The following TMBIM4 variants were observed in gnomAD, a reference collection of about 807,000 sequenced individuals.
The protein encoded by TMBIM4 is transmembrane BAX inhibitor motif containing 4.
Under a neutral mutation model 27.7 loss-of-function variants are expected in TMBIM4, and 28 were observed. That is an observed-to-expected ratio of 1.01 (90% confidence interval 0.75 to 1.38). The LOEUF is 1.38. TMBIM4 is among the 40% of genes most tolerant of loss of function. The probability of loss-of-function intolerance (pLI) is 0.00; values close to 1 mark genes in which losing one functional copy is unlikely to be tolerated. For missense variants in TMBIM4, 265 were observed against 277.5 expected, an observed-to-expected ratio of 0.95 and a Z score of 0.32; for synonymous variants, 115 against 113.1, an observed-to-expected ratio of 1.02 and a Z score of -0.11.
chr12:66,150,621 C>T lies in TMBIM4; in HGVS notation c.312+1650G>A, dbSNP rs1565784580. On this transcript the variant is annotated intron_variant, in intron 3 of 6. Transcript: ENST00000358230. ...AGAGACAAGGTCTCACTATGTTGCC[C>T]GGGCTGGTCTCGAACTCCTGAACTC... Among the ~76,000 whole-genome samples, 6 of 152,120 alleles carry T rather than the reference C, an allele frequency of 3.9e-5. No homozygotes were observed. The South Asian group carries it at 1.2e-3, about 32-fold the overall frequency.
intron 3 of TMBIM4, among the ~76,000 whole-genome samples, chr12:66,150,582 T>C (rs533173359): frequency 7.5e-4 from 114 of 151,842 alleles, no homozygotes; most frequent in Admixed American, 3.1e-3. Context: ...CTGGCTAATT[T>C]TTGTATTTTT....
chr12:66,161,444 T>C (rs545565471), intron 1 of TMBIM4, among the ~76,000 whole-genome samples: 227 of 152,304 alleles, frequency 1.5e-3, no homozygotes, highest in African/African-American at 4.7e-3. Flanking sequence ...TTTCACCGTG[T>C]TGCATAGGCT....
chr12:66,146,322 G>A (rs953476302), intron 4 of TMBIM4, among the ~76,000 whole-genome samples: 2 of 152,158 alleles, frequency 1.3e-5, no homozygotes, highest in African/African-American at 4.8e-5. Context: ...GTCCATTATG[G>A]TTTAAATATC....
intron 3 of TMBIM4, among the ~76,000 whole-genome samples, chr12:66,148,760 A>G (rs1411829959): frequency 1.3e-5 from 2 of 152,188 alleles, no homozygotes; most frequent in Non-Finnish European, 1.5e-5. Context: ...AGCCATTGTT[A>G]TTTTGTCACT....
At chr12:66,169,732 T>C in intron 1 of TMBIM4, 123 bp downstream of exon 1, 1 of 699,354 alleles carries the variant, frequency 1.4e-6, no homozygotes, top group Non-Finnish European at 2.2e-6. Context: ...GGCCGGGAGC[T>C]CAGTGAGCAC....
intron 1 of TMBIM4, among the ~76,000 whole-genome samples, chr12:66,166,768 T>C (rs1415753705): frequency 4.6e-5 from 7 of 152,234 alleles, no homozygotes; most frequent in Non-Finnish European, 4.4e-5. Flanking sequence ...TCTCTTACTA[T>C]ACAACACGGC....
chr12:66,161,645 C>T (rs2052043008), intron 1 of TMBIM4, among the ~76,000 whole-genome samples: 1 of 152,092 alleles, frequency 6.6e-6, no homozygotes, highest in Non-Finnish European at 1.5e-5. Flanking sequence ...AGTTACCAAC[C>T]TAGTGATAAG....
At chr12:66,139,887 A>G (rs1273838575) in intron 5 of TMBIM4, among the ~76,000 whole-genome samples, 2 of 152,168 alleles carry the variant, frequency 1.3e-5, no homozygotes, top group Admixed American at 1.3e-4. Flanking sequence ...TAAGACATGC[A>G]CTGAGTAGTA....
At chr12:66,142,070 T>A (rs970257443) in intron 5 of TMBIM4, among the ~76,000 whole-genome samples, 3 of 151,946 alleles carry the variant, frequency 2.0e-5, no homozygotes, top group African/African-American at 7.2e-5. Flanking sequence ...CATTAAAAAA[T>A]AAATAAATAA....
chr12:66,167,485 G>A (rs1015021432), intron 1 of TMBIM4, among the ~76,000 whole-genome samples: 3 of 152,160 alleles, frequency 2.0e-5, no homozygotes, highest in African/African-American at 4.8e-5. Flanking sequence ...TGCCCCACAC[G>A]CATACTTTTA....
At chr12:66,139,892 G>A (rs1055878899) in intron 5 of TMBIM4, among the ~76,000 whole-genome samples, 2 of 152,140 alleles carry the variant, frequency 1.3e-5, no homozygotes, top group African/African-American at 4.8e-5. Flanking sequence ...CATGCACTGA[G>A]TAGTATGCTG....
intron 3 of TMBIM4, among the ~76,000 whole-genome samples, chr12:66,151,103 T>C (rs1013800878): frequency 5.3e-5 from 8 of 152,238 alleles, no homozygotes; most frequent in African/African-American, 1.7e-4. Context: ...TAATCTTTCC[T>C]ATTACTGAAA....
rs1247178932 is a variant in TMBIM4, at chr12:66,137,297, A to G, written c.*663T>C. 2.0e-5 allele frequency: 3 copies of G among 152,256 alleles called. No homozygotes were observed. Among genetic ancestry groups the G allele is most frequent in the African/African-American group, 7.2e-5 (3 of 41,462 alleles). 9.4% of individuals were successfully genotyped at this position (152,256 alleles called of 1,614,324 possible). On this transcript the variant is annotated 3_prime_UTR_variant, in exon 7 of 7. Coordinates refer to ENST00000358230, the MANE Select transcript of TMBIM4 (RefSeq NM_016056.4). ...ACTTAATAATTCAGGGAAAATTTAG[A>G]TAAAATCACTAGACAACGGTAAACT...
In TMBIM4 at chr12:66,136,249, T is replaced by C. The variant is rs1255900581; in HGVS notation, c.*1711A>G. ...AGAAGACCTAAGGAAGGATAAATAA[T>C]TCGCCAAATGTCACTTAAGCACCTG... On this transcript the variant is annotated 3_prime_UTR_variant, in exon 7 of 7. Coordinates refer to ENST00000358230, the MANE Select transcript of TMBIM4 (RefSeq NM_016056.4). 1 of 152,218 alleles carries C rather than the reference T, an allele frequency of 6.6e-6. No individual in the cohort carries two copies. The highest frequency in any genetic ancestry group is 1.5e-5 in the Non-Finnish European group (1 of 68,050). The allele number at this position is 152,218 out of a possible 1,614,324, so 9.4% of individuals were successfully genotyped here. A position where few individuals can be genotyped will look rare whatever the true frequency, so the allele number is the denominator to read the frequency against.
chr12:66,160,880 G>A (rs984516004), intron 1 of TMBIM4, among the ~76,000 whole-genome samples: 5 of 150,618 alleles, frequency 3.3e-5, no homozygotes, highest in South Asian at 4.2e-4. Flanking sequence ...ATGGGGCGGC[G>A]GGCGGGCAGA....
intron 1 of TMBIM4, among the ~76,000 whole-genome samples, chr12:66,161,400 C>T (rs2052038877): frequency 6.6e-6 from 1 of 152,246 alleles, no homozygotes; most frequent in African/African-American, 2.4e-5. Context: ...GCCACCACAC[C>T]TGGCTGATTT....
At chr12:66,168,860 T>C (rs1405484940) in intron 1 of TMBIM4, 1 of 162,574 alleles carries the variant, frequency 6.2e-6, no homozygotes, top group Non-Finnish European at 1.3e-5. Flanking sequence ...GTGAATAACT[T>C]AACACTACTG....
intron 1 of TMBIM4, among the ~76,000 whole-genome samples, chr12:66,160,807 C>T (rs981494579): frequency 1.3e-4 from 19 of 150,894 alleles, no homozygotes; most frequent in Non-Finnish European, 1.8e-4. Flanking sequence ...GGCGGCCGGG[C>T]AGAGGTGCTC....
At chr12:66,139,956 G>A (rs1424756375) in intron 5 of TMBIM4, among the ~76,000 whole-genome samples, 5 of 152,130 alleles carry the variant, frequency 3.3e-5, no homozygotes, top group African/African-American at 1.2e-4. Flanking sequence ...TAAGCTAAAA[G>A]CTGTTCTGGA....
Sources: allele counts gnomAD v4.1 joint callset (sites outside exome capture counted in the v4.1 genomes callset), GRCh38; gene constraint gnomAD v4.1.1; transcripts MANE v1.5; gene names NCBI Gene and HGNC (gene_info 2026-07-23, HGNC 2026-07-21).